The following ZIM2 variants were observed in gnomAD, a reference collection of about 807,000 sequenced individuals.
ZIM2 encodes the protein zinc finger imprinted 2, also known as zinc finger protein 656.
A neutral mutation model predicts 38.6 loss-of-function variants in ZIM2; 14 were observed. That is an observed-to-expected ratio of 0.36 (90% CI 0.24 to 0.57). The LOEUF is 0.57. Ranked by LOEUF, ZIM2 falls within the 20% of genes least tolerant of loss-of-function variation. ZIM2 has a pLI of 0.81. For missense variants in ZIM2, 680 were observed against 695.1 expected, an observed-to-expected ratio of 0.98 and a Z score of 0.24; for synonymous variants, 247 against 245.8, an observed-to-expected ratio of 1.00 and a Z score of -0.04.
intron 12 of ZIM2, among the ~76,000 whole-genome samples, chr19:56,776,531 A>C (rs1165597680): frequency 6.6e-6 from 1 of 152,212 alleles, no homozygotes; most frequent in Non-Finnish European, 1.5e-5. Context: ...ACTACTGAGG[A>C]AACACTGGAG....
intron 9 of ZIM2, chr19:56,811,004 T>C (rs997010751): frequency 1.0e-6 from 1 of 975,612 alleles, no homozygotes; most frequent in Non-Finnish European, 1.2e-6. Flanking sequence ...ATTTTGAATA[T>C]ACATTTTGAC....
chr19:56,815,719 A>G, intron 9 of ZIM2: 1 of 1,614,198 alleles, frequency 6.2e-7, no homozygotes, highest in South Asian at 1.1e-5. Flanking sequence ...CTCTCCAGGA[A>G]CACTTTTCTG....
intron 2 of ZIM2, among the ~76,000 whole-genome samples, chr19:56,829,735 A>G (rs988894419): frequency 6.6e-6 from 1 of 152,230 alleles, no homozygotes; most frequent in African/African-American, 2.4e-5. Context: ...GGCAACTAGC[A>G]GTGGGGCCAG....
At position 56,775,086 on chromosome 19, in the gene ZIM2, A is replaced by C; in HGVS notation, c.1279T>G (p.Cys427Gly). The C allele has an allele frequency of 6.2e-7, 1 of 1,614,104 alleles. No homozygotes were observed. Among genetic ancestry groups the C allele is most frequent in the Non-Finnish European group, 8.5e-7 (1 of 1,180,030 alleles). ...CNEGRKPSVQ[C>G]ANLCERVRIH... Reference sequence around the variant, plus strand: ...CTTACACGTTCACAGAGATTCGCACACTGGACGGAAGGCTTTCTACCTTCA... The same window carrying C: ...CTTACACGTTCACAGAGATTCGCACCCTGGACGGAAGGCTTTCTACCTTCA... Residue 427 changes from cysteine (C) to glycine (G), a missense_variant, in exon 13 of 13, where the codon TGT (cysteine) becomes GGT (glycine). Coordinates refer to ENST00000629319, the MANE Select transcript of ZIM2 (RefSeq NM_001387356.1).
intron 2 of ZIM2, among the ~76,000 whole-genome samples, chr19:56,828,566 G>A (rs190623806): frequency 3.9e-5 from 6 of 152,250 alleles, no homozygotes; most frequent in Admixed American, 1.3e-4. Context: ...AGGCCACCAC[G>A]TGGGAGACAG....
intron 9 of ZIM2, among the ~76,000 whole-genome samples, chr19:56,805,298 C>G (rs1374127031): frequency 2.0e-5 from 3 of 152,180 alleles, no homozygotes; most frequent in Non-Finnish European, 2.9e-5. Flanking sequence ...CAGACTTACT[C>G]CACAATTTCA....
chr19:56,797,882 G>A (rs764204202), intron 9 of ZIM2: 8 of 152,092 alleles, frequency 5.3e-5, no homozygotes, highest in African/African-American at 1.7e-4. Flanking sequence ...GGCCAATATC[G>A]GTTTTGTGCA....
In ZIM2 at chr19:56,786,813, T is replaced by C. The variant is rs544900029; in HGVS notation, c.570+3059A>G. ...ACCTGGGTTCAAGTACTGTACTGTT[T>C]TATTGTTTTTTGTTTTGTTTTGTTT... On this transcript the variant is annotated intron_variant, in intron 10 of 12. Transcript: ENST00000629319. Among the ~76,000 whole-genome samples, 41 of 152,124 alleles carry C rather than the reference T, an allele frequency of 2.7e-4. No individual in the cohort carries two copies. In the Middle Eastern group the frequency reaches 0.01, roughly 38 times the overall value.
intron 9 of ZIM2, chr19:56,812,829 A>AC (rs1355744953): frequency 2.0e-6 from 2 of 985,162 alleles, no homozygotes; most frequent in African/African-American, 3.5e-5. Context: ...AAAAAAAAAA[A>AC]AAACCCAGAA....
intron 2 of ZIM2, among the ~76,000 whole-genome samples, chr19:56,831,401 C>T (rs1198807195): frequency 2.6e-5 from 4 of 152,142 alleles, no homozygotes; most frequent in South Asian, 2.1e-4. Flanking sequence ...ATGACAGGAC[C>T]GCTAATACCT....
intron 9 of ZIM2, among the ~76,000 whole-genome samples, chr19:56,801,189 C>T (rs1275363177): frequency 3.3e-5 from 5 of 151,954 alleles, no homozygotes; most frequent in Non-Finnish European, 5.9e-5. Flanking sequence ...ACCTGCCTCG[C>T]CCTCCCAAAG....
chr19:56,812,627 T>A (rs940283335), intron 9 of ZIM2: 58 of 985,512 alleles, frequency 5.9e-5, no homozygotes, highest in Non-Finnish European at 6.9e-5. Context: ...ACAAAGGAAG[T>A]GATGAAAGGT....
chr19:56,817,102 A>G (rs749286230), intron 9 of ZIM2: 10 of 1,614,144 alleles, frequency 6.2e-6, no homozygotes, highest in Admixed American at 1.7e-5. Flanking sequence ...CATTGCCCCA[A>G]AATCAATTGG....
At chr19:56,818,889 T>G (rs1568654262) in intron 7 of ZIM2, among the ~76,000 whole-genome samples, 187 bp from the exon 8 acceptor site, 1 of 152,210 alleles carries the variant, frequency 6.6e-6, no homozygotes, top group Non-Finnish European at 1.5e-5. Flanking sequence ...GGTGCTACAC[T>G]CTGAGGCAGA....
At chr19:56,787,951 C>A (rs2046710824) in intron 10 of ZIM2, among the ~76,000 whole-genome samples, 1 of 151,626 alleles carries the variant, frequency 6.6e-6, no homozygotes, top group African/African-American at 2.4e-5. Context: ...TTTATTGTGT[C>A]TTTTTGATTT....
intron 2 of ZIM2, among the ~76,000 whole-genome samples, 171 bp from the exon 3 acceptor site, chr19:56,826,634 A>G (rs1375099296): frequency 6.6e-6 from 1 of 152,208 alleles, no homozygotes; most frequent in Non-Finnish European, 1.5e-5. Flanking sequence ...CATGCCAGAC[A>G]GGAGAAATAA....
At chr19:56,811,260 C>T (rs2059523067) in intron 9 of ZIM2, 1 of 946,018 alleles carries the variant, frequency 1.1e-6, no homozygotes, top group Non-Finnish European at 1.3e-6. Context: ...ACAACAACAA[C>T]ACCACAACAG....
chr19:56,783,098 T>A (rs753726185), intron 10 of ZIM2, among the ~76,000 whole-genome samples: 3 of 152,122 alleles, frequency 2.0e-5, no homozygotes, highest in Non-Finnish European at 2.9e-5. Flanking sequence ...TATTTACTCA[T>A]GTGTACTTAA....
intron 9 of ZIM2, chr19:56,815,127 T>A (rs774385230): frequency 5.9e-5 from 96 of 1,613,732 alleles, no homozygotes; most frequent in Non-Finnish European, 9.3e-6. Flanking sequence ...ATTCATAGAT[T>A]TTGTCATCAG....
Sources: gnomAD v4.1 joint callset for allele counts (sites outside exome capture counted in the v4.1 genomes callset) on GRCh38, gnomAD v4.1.1 for gene constraint, MANE v1.5 for transcripts, NCBI Gene and HGNC (gene_info 2026-07-23, HGNC 2026-07-21) for gene names.